PDCL2: variants seen among roughly 807,000 people sequenced by gnomAD.
PDCL2 encodes the protein phosducin like 2, also known as phosducin-like protein 2.
Under a neutral mutation model 30.3 loss-of-function variants are expected in PDCL2, and 23 were observed. The ratio of observed to expected loss-of-function variants is 0.76; its 90% confidence interval spans 0.55 to 1.08. PDCL2 has a LOEUF of 1.08. Among genes scored for constraint, PDCL2 ranks in the 50% least tolerant of loss-of-function variants. The pLI, the probability that PDCL2 is intolerant of heterozygous loss-of-function variation, is 0.00. For missense variants in PDCL2, 243 were observed against 282.3 expected, an observed-to-expected ratio of 0.86 and a Z score of 1.00; for synonymous variants, 68 against 86.2, an observed-to-expected ratio of 0.79 and a Z score of 1.17.
chr4:55,585,088 A>G (rs1732826450), intron 1 of PDCL2, among the ~76,000 whole-genome samples: 1 of 152,150 alleles, frequency 6.6e-6, no homozygotes, highest in Non-Finnish European at 1.5e-5. Flanking sequence ...GTGGTACATT[A>G]TTCTTTTAAT....
intron 5 of PDCL2, 21 bp from the exon 6 acceptor site, chr4:55,556,732 T>C: frequency 6.7e-7 from 1 of 1,496,574 alleles, no homozygotes; most frequent in East Asian, 2.5e-5. Flanking sequence ...TAACCCATCA[T>C]TCAGTTAAAA....
rs909298430 is a variant in PDCL2, at chr4:55,580,439, C to T, written c.218+382G>A. Reference sequence around the variant, plus strand: ...AAGTTGGGAAATTTATGAACCTGTTCCAGTTTCTAAAATAATTTAAGAATA... The same window carrying T: ...AAGTTGGGAAATTTATGAACCTGTTTCAGTTTCTAAAATAATTTAAGAATA... On this transcript the variant is annotated intron_variant, in intron 3 of 5. Transcript: ENST00000295645. Among the ~76,000 whole-genome samples the T allele has an allele frequency of 7.9e-5, 12 of 152,152 alleles. No individual in the cohort carries two copies. The East Asian group carries it at 2.1e-3, about 27-fold the overall frequency.
rs185630616 is a variant in PDCL2 at position 55,585,016 on chromosome 4, A to C, written c.7-2779T>G. Among the ~76,000 whole-genome samples the C allele has an allele frequency of 2.0e-5, 3 of 152,330 alleles. No homozygotes were observed. The East Asian group carries it at 5.8e-4, about 29-fold the overall frequency. ...CATAATTCTGTTAATGTGGTGTGTC[A>C]TATTTGTAGATTTGCGTATGCTGAA... On this transcript the variant is annotated intron_variant, in intron 1 of 5. Transcript: ENST00000295645.
At position 55,592,233 on chromosome 4, in the gene PDCL2, A is replaced by T; in HGVS notation, c.-124T>A. On this transcript the variant is annotated 5_prime_UTR_variant, in exon 1 of 6. Coordinates refer to ENST00000295645, the MANE Select transcript of PDCL2 (RefSeq NM_152401.3). ...GCTTCAGGCCCGGCGGTTTCGAGTG[A>T]CCGCCAGAAGAGGGAGAGGCGAACA... 1 of 1,416,318 alleles carries T rather than the reference A, an allele frequency of 7.1e-7. No homozygotes were observed. 87.7% of individuals were successfully genotyped at this position (1,416,318 alleles called of 1,614,324 possible). A position where few individuals can be genotyped will look rare whatever the true frequency, so the allele number is the denominator to read the frequency against.
intron 4 of PDCL2, 80 bp from the exon 5 acceptor site, chr4:55,562,692 A>G (rs1348509158): frequency 2.2e-6 from 2 of 890,554 alleles, no homozygotes; most frequent in African/African-American, 3.5e-5. Context: ...AAATATCGCC[A>G]TGGCAAAAAT....
intron 3 of PDCL2, among the ~76,000 whole-genome samples, chr4:55,574,309 G>A (rs1732505556): frequency 6.6e-6 from 1 of 152,104 alleles, no homozygotes; most frequent in Non-Finnish European, 1.5e-5. Context: ...CTCTTCTGGG[G>A]AAGCTACATT....
intron 3 of PDCL2, among the ~76,000 whole-genome samples, chr4:55,578,120 CA>C (rs1732618640): frequency 6.6e-6 from 1 of 152,098 alleles, no homozygotes; most frequent in Admixed American, 6.6e-5. Flanking sequence ...TATATTTTCC[CA>C]AAAGCACAGT....
chr4:55,580,952 AT>A (rs1732691938), intron 2 of PDCL2, 41 bp from the exon 3 acceptor site: 5 of 1,483,212 alleles, frequency 3.4e-6, no homozygotes, highest in East Asian at 2.4e-5. Context: ...TTGTTTAAAA[AT>A]TTTTTTACTA....
chr4:55,562,347 T>C (rs1228432081), intron 5 of PDCL2, 57 bp downstream of exon 5: 2 of 1,193,474 alleles, frequency 1.7e-6, no homozygotes, highest in African/African-American at 3.2e-5. Context: ...TCAGGATGCT[T>C]GTTAGTTTGC....
chr4:55,580,472 A>G (rs1234289278), intron 3 of PDCL2, among the ~76,000 whole-genome samples: 1 of 152,188 alleles, frequency 6.6e-6, no homozygotes, highest in Non-Finnish European at 1.5e-5. Flanking sequence ...ATAGTAATTA[A>G]TTATTCATGA....
In PDCL2 at chr4:55,562,621, A is replaced by G. The variant is rs753422666; in HGVS notation, c.363-9T>C. 1 of 1,553,356 alleles carries G rather than the reference A, an allele frequency of 6.4e-7. No individual in the cohort carries two copies. Among genetic ancestry groups the G allele is most frequent in the South Asian group, 1.2e-5 (1 of 81,926 alleles). ...ACAAACACATTGGGATGCTAAAAAG[A>G]GAAACAGTACACACAATCTTTAATA... On this transcript the variant is annotated splice_polypyrimidine_tract_variant and intron_variant, in intron 4 of 5. Transcript: ENST00000295645.
chr4:55,561,565 AAAAC>A (rs758237989), intron 5 of PDCL2, among the ~76,000 whole-genome samples: 203 of 152,268 alleles, frequency 1.3e-3, no homozygotes, highest in African/African-American at 4.5e-3. Flanking sequence ...TTCTGTCTCA[AAAAC>A]AAACAAACAA....
chr4:55,577,797 T>A (rs2110163235), intron 3 of PDCL2, among the ~76,000 whole-genome samples: 1 of 152,340 alleles, frequency 6.6e-6, no homozygotes, highest in South Asian at 2.1e-4. Flanking sequence ...TGTCTTAAAG[T>A]CTTTGTCTAG....
At chr4:55,564,689 A>C (rs1191061508) in intron 4 of PDCL2, among the ~76,000 whole-genome samples, 1 of 152,234 alleles carries the variant, frequency 6.6e-6, no homozygotes, top group Non-Finnish European at 1.5e-5. Context: ...AAGGAGGCTA[A>C]GCCTTCATTC....
chr4:55,578,469 T>C (rs540214960), intron 3 of PDCL2, among the ~76,000 whole-genome samples: 1 of 152,322 alleles, frequency 6.6e-6, no homozygotes, highest in South Asian at 2.1e-4. Context: ...AAGCATTCAA[T>C]ATTCTCCAGA....
intron 1 of PDCL2, among the ~76,000 whole-genome samples, chr4:55,590,598 T>C (rs1732975571): frequency 6.6e-6 from 1 of 151,982 alleles, no homozygotes; most frequent in African/African-American, 2.4e-5. Context: ...GCGATTCTCC[T>C]GTCTCAGCCT....
Position 55,573,393 on chromosome 4 carries a change from C to T in PDCL2, c.219-3532G>A, listed in dbSNP as rs548689742. On this transcript the variant is annotated intron_variant, in intron 3 of 5. Transcript: ENST00000295645. ...TTTGTCTCTCCTTTTTTGAATATTACATCTTTTTTTAAAAGAAATCTTGTC... is the reference window on the plus strand; with the variant it reads ...TTTGTCTCTCCTTTTTTGAATATTATATCTTTTTTTAAAAGAAATCTTGTC... Among the ~76,000 whole-genome samples the T allele has an allele frequency of 5.3e-4, 81 of 152,188 alleles. No individual in the cohort carries two copies. The Middle Eastern group carries it at 0.01, about 19-fold the overall frequency.
intron 5 of PDCL2, among the ~76,000 whole-genome samples, chr4:55,561,148 G>A (rs780491935): frequency 6.6e-6 from 1 of 151,946 alleles, no homozygotes; most frequent in Admixed American, 6.6e-5. Context: ...ACAAGGTGGT[G>A]AAACAAGGAA....
intron 4 of PDCL2, among the ~76,000 whole-genome samples, chr4:55,564,747 T>A (rs2110154394): frequency 6.6e-6 from 1 of 152,338 alleles, no homozygotes; most frequent in Admixed American, 6.5e-5. Context: ...AAAGAGCCAT[T>A]GAAATTATAG....
Sources: allele counts gnomAD v4.1 joint callset (sites outside exome capture counted in the v4.1 genomes callset), GRCh38; gene constraint gnomAD v4.1.1; transcripts MANE v1.5; gene names NCBI Gene and HGNC (gene_info 2026-07-23, HGNC 2026-07-21).